The following SPATA6 variants were observed in gnomAD, a reference collection of about 807,000 sequenced individuals.
SPATA6 encodes spermatogenesis associated 6.
In SPATA6, 56 loss-of-function variants were observed where a neutral mutation model predicts 65.3. The ratio of observed to expected loss-of-function variants is 0.86; its 90% CI spans 0.69 to 1.07. The LOEUF (loss-of-function observed/expected upper bound fraction) is 1.07. SPATA6 is among the 50% of genes least tolerant of loss of function. The pLI is 0.00. For missense variants in SPATA6, 590 were observed against 594.8 expected (o/e 0.99, Z 0.08); for synonymous variants, 199 against 213.2 (o/e 0.93, Z 0.58).
chr1:48,413,239 A>C, intron 3 of SPATA6, 88 bp from the exon 4 acceptor site: 1 of 515,832 alleles, frequency 1.9e-6, no homozygotes. Flanking sequence ...TAAAAGCCAA[A>C]GTAATCACTA....
At chr1:48,463,429 A>C (rs1657592234) in intron 1 of SPATA6, among the ~76,000 whole-genome samples, 1 of 152,216 alleles carries the variant, frequency 6.6e-6, no homozygotes, top group Non-Finnish European at 1.5e-5. Context: ...CAAATCCTAG[A>C]TAGTTCATAA....
At chr1:48,367,055 T>C (rs1449906266) in intron 9 of SPATA6, among the ~76,000 whole-genome samples, 21 of 152,160 alleles carry the variant, frequency 1.4e-4, no homozygotes, top group African/African-American at 1.9e-4. Context: ...CATTATGTAC[T>C]CAGTAGTCAT....
chr1:48,291,557 C>T (rs1056067440), downstream of SPATA6, among the ~76,000 whole-genome samples: 6 of 151,910 alleles, frequency 3.9e-5, no homozygotes, highest in East Asian at 3.9e-4. Context: ...AGCCCGCAGA[C>T]GAAAAGGCTG....
rs1208199308 is a variant in SPATA6, at chr1:48,367,473, C to G, written c.910-7703G>C. Among the ~76,000 whole-genome samples, 7 of 152,266 alleles carry G rather than the reference C, an allele frequency of 4.6e-5. No homozygotes were observed. The South Asian group carries it at 6.2e-4, about 14-fold the overall frequency. ...ACTCAGGACTTGCTTTATGAATCTG[C>G]ATGCTCCTGTATTTGGTGCATATAT... On this transcript the variant is annotated intron_variant, in intron 9 of 12. Coordinates refer to ENST00000371847, the MANE Select transcript of SPATA6 (RefSeq NM_019073.4).
intron 11 of SPATA6, among the ~76,000 whole-genome samples, chr1:48,339,505 T>C (rs1444300388): frequency 6.6e-6 from 1 of 151,988 alleles, no homozygotes; most frequent in East Asian, 1.9e-4. Flanking sequence ...AGGATTAATT[T>C]GGTCAAGAAA....
chr1:48,291,981 T>C (rs1214810486), downstream of SPATA6, among the ~76,000 whole-genome samples: 1 of 152,208 alleles, frequency 6.6e-6, no homozygotes, highest in African/African-American at 2.4e-5. Context: ...TTATATCGTT[T>C]ACCTGTGTTG....
intron 3 of SPATA6, among the ~76,000 whole-genome samples, chr1:48,451,188 A>G (rs1164464912): frequency 1.3e-5 from 2 of 152,230 alleles, no homozygotes; most frequent in Non-Finnish European, 2.9e-5. Context: ...TTGACTTGAA[A>G]TACACTGAAG....
At chr1:48,410,006 C>G (rs1485313069) in intron 5 of SPATA6, among the ~76,000 whole-genome samples, 1 of 152,262 alleles carries the variant, frequency 6.6e-6, no homozygotes, top group Non-Finnish European at 1.5e-5. Flanking sequence ...ATGCAAATTT[C>G]TACAGCTGGC....
intron 11 of SPATA6, among the ~76,000 whole-genome samples, chr1:48,313,806 T>A (rs1199240031): frequency 6.6e-6 from 1 of 152,128 alleles, no homozygotes; most frequent in Non-Finnish European, 1.5e-5. Flanking sequence ...ACCCATCTTA[T>A]GTGCAGAGAC....
chr1:48,264,612 T>C, the SPATA6 span, among the ~76,000 whole-genome samples: 1 of 152,156 alleles, frequency 6.6e-6, no homozygotes, highest in Non-Finnish European at 1.5e-5. Context: ...AGTGAGAACA[T>C]ACAGTGTTTG....
intron 6 of SPATA6, among the ~76,000 whole-genome samples, chr1:48,402,154 T>C (rs1651222269): frequency 6.6e-6 from 1 of 151,818 alleles, no homozygotes; most frequent in East Asian, 1.9e-4. Flanking sequence ...AAAGTAAAAA[T>C]AAAAATAAAA....
intron 1 of SPATA6, among the ~76,000 whole-genome samples, chr1:48,469,274 A>G (rs1220618749): frequency 6.6e-6 from 1 of 152,194 alleles, no homozygotes; most frequent in South Asian, 2.1e-4. Flanking sequence ...AAATTAATGT[A>G]CATGGTCATG....
At chr1:48,367,787 T>C (rs1482039020) in intron 9 of SPATA6, among the ~76,000 whole-genome samples, 16 of 152,174 alleles carry the variant, frequency 1.1e-4, no homozygotes, top group South Asian at 2.1e-4. Flanking sequence ...GAGCATTTAG[T>C]CCATTTACAT....
intron 11 of SPATA6, among the ~76,000 whole-genome samples, chr1:48,331,544 G>A (rs954866349): frequency 1.3e-5 from 2 of 152,004 alleles, no homozygotes; most frequent in African/African-American, 4.8e-5. Flanking sequence ...GAAAAGGAAT[G>A]AACAGAACCT....
At chr1:48,282,504 C>A in the SPATA6 span, among the ~76,000 whole-genome samples, 1 of 152,212 alleles carries the variant, frequency 6.6e-6, no homozygotes, top group East Asian at 1.9e-4. Context: ...AAACAAACAA[C>A]CCCATCAAAA....
chr1:48,447,246 C>T (rs1247613078), intron 3 of SPATA6, among the ~76,000 whole-genome samples: 3 of 152,072 alleles, frequency 2.0e-5, no homozygotes, highest in Admixed American at 6.6e-5. Context: ...TGGCCAGGCA[C>T]GGTGGCTCAT....
chr1:48,325,153 T>C (rs1339368451), intron 11 of SPATA6: 4 of 579,306 alleles, frequency 6.9e-6, no homozygotes, highest in Non-Finnish European at 1.3e-5. Flanking sequence ...TGGGTTCATT[T>C]ACAGTTTCAG....
At chr1:48,451,204 G>A (rs1028421076) in intron 3 of SPATA6, among the ~76,000 whole-genome samples, 2 of 152,070 alleles carry the variant, frequency 1.3e-5, no homozygotes, top group Non-Finnish European at 2.9e-5. Context: ...TGAAGTAGAA[G>A]ACATATTTCT....
intron 9 of SPATA6, among the ~76,000 whole-genome samples, chr1:48,368,131 T>C (rs1380241792): frequency 6.6e-6 from 1 of 152,218 alleles, no homozygotes; most frequent in Non-Finnish European, 1.5e-5. Context: ...GCCCCCACTC[T>C]CTCCTGGCTT....
Sources: allele counts gnomAD v4.1 joint callset (sites outside exome capture counted in the v4.1 genomes callset), GRCh38; gene constraint gnomAD v4.1.1; transcripts MANE v1.5; gene names NCBI Gene and HGNC (gene_info 2026-07-23, HGNC 2026-07-21).